Variants in PCDH7 observed in about 807,000 individuals in gnomAD.
The protein encoded by PCDH7 is protocadherin 7.
A neutral mutation model predicts 58.9 loss-of-function variants in PCDH7; 17 were observed. The ratio of observed to expected loss-of-function variants is 0.29; its 90% confidence interval spans 0.20 to 0.43. The LOEUF (loss-of-function observed/expected upper bound fraction) is 0.43, where lower values mean the gene tolerates loss of function less well. Among genes scored for constraint, PCDH7 ranks in the 20% least tolerant of loss-of-function variants. PCDH7 has a pLI of 1.00. For synonymous variants in PCDH7, 664 were observed against 616.4 expected (o/e 1.08, Z -1.14); for missense variants, 1,274 against 1,441.0 (o/e 0.88, Z 1.88).
chr4:30,922,096 A>G (rs1317790668), intron 2 of PCDH7, among the ~76,000 whole-genome samples: 1 of 151,688 alleles, frequency 6.6e-6, no homozygotes, highest in Admixed American at 6.6e-5. Flanking sequence ...ATAGTGTATT[A>G]CGTTACATAT....
At chr4:31,052,929 C>T (rs557951865) in intron 3 of PCDH7, among the ~76,000 whole-genome samples, 46 of 152,136 alleles carry the variant, frequency 3.0e-4, no homozygotes, top group African/African-American at 1.1e-3. Context: ...TTCTCTTCAA[C>T]TTTTCTTTAC....
intron 3 of PCDH7, among the ~76,000 whole-genome samples, chr4:31,123,590 G>C (rs1396056817): frequency 1.3e-5 from 2 of 152,180 alleles, no homozygotes; most frequent in African/African-American, 4.8e-5. Context: ...GAGCCCCAGA[G>C]GGTGTGTGTT....
In PCDH7 at chr4:30,740,368, C is replaced by T. The variant is rs143442578; in HGVS notation, c.70+15772C>T. Among the ~76,000 whole-genome samples the T allele has an allele frequency of 2.5e-3, 380 of 152,226 alleles. 2 individuals are homozygous for T. Among genetic ancestry groups the T allele is most frequent in the African/African-American group, 8.7e-3 (363 of 41,544 alleles). On this transcript the variant is annotated intron_variant, in intron 1 of 3. Coordinates refer to the PCDH7 transcript ENST00000509759. ...AAAATAGTTTCACCTTAAATCTTAC[C>T]TTATGCAAAACAAAAGATGGGAAGA...
At chr4:31,140,427 C>A (rs1469327250) in intron 3 of PCDH7, among the ~76,000 whole-genome samples, 5 of 151,000 alleles carry the variant, frequency 3.3e-5, no homozygotes, top group African/African-American at 1.2e-4. Flanking sequence ...ATTTTAGAAG[C>A]TAAATTCCTG....
At chr4:30,996,688 A>G (rs1751928042) in intron 3 of PCDH7, among the ~76,000 whole-genome samples, 1 of 152,202 alleles carries the variant, frequency 6.6e-6, no homozygotes, top group South Asian at 2.1e-4. Flanking sequence ...TTTTTATAGT[A>G]TAGTTGATTA....
chr4:30,743,574 T>G (rs1577623000), intron 1 of PCDH7, among the ~76,000 whole-genome samples: 2 of 152,038 alleles, frequency 1.3e-5, no homozygotes, highest in Admixed American at 1.3e-4. Context: ...GGAAGTTGTA[T>G]CTTTCTGTAC....
chr4:30,888,819 C>T (rs1738198874), intron 1 of PCDH7, among the ~76,000 whole-genome samples: 1 of 152,084 alleles, frequency 6.6e-6, no homozygotes, highest in Admixed American at 6.6e-5. Context: ...TGAGTACTTA[C>T]ACTATTTTAT....
chr4:31,146,782 A>G (rs1005911131), downstream of PCDH7: 2 of 152,196 alleles, frequency 1.3e-5, no homozygotes, highest in African/African-American at 2.4e-5. Flanking sequence ...AAATTAAAAT[A>G]TAACATGGTC....
intron 3 of PCDH7, among the ~76,000 whole-genome samples, chr4:31,097,189 G>A (rs1353104123): frequency 1.3e-5 from 2 of 152,030 alleles, no homozygotes; most frequent in Admixed American, 6.6e-5. Context: ...GGGCGCGGTG[G>A]CTCACACCTG....
chr4:31,069,409 G>A (rs944873471), intron 3 of PCDH7, among the ~76,000 whole-genome samples: 2 of 151,660 alleles, frequency 1.3e-5, no homozygotes, highest in Admixed American at 6.6e-5. Flanking sequence ...TTCTTCTCAC[G>A]GAATTTGGGG....
chr4:30,939,724 T>A (rs1190130863), intron 2 of PCDH7, among the ~76,000 whole-genome samples: 2 of 152,102 alleles, frequency 1.3e-5, no homozygotes, highest in African/African-American at 4.8e-5. Flanking sequence ...TAATGCCTAG[T>A]AAAATTGAAT....
chr4:30,973,831 T>C (rs774686713), intron 3 of PCDH7, among the ~76,000 whole-genome samples: 1 of 152,050 alleles, frequency 6.6e-6, no homozygotes, highest in Non-Finnish European at 1.5e-5. Context: ...CCAAATGGAT[T>C]GAGTTACTTT....
chr4:31,012,905 G>A (rs957167867), intron 3 of PCDH7, among the ~76,000 whole-genome samples: 1 of 150,466 alleles, frequency 6.6e-6, no homozygotes, highest in African/African-American at 2.4e-5. Context: ...AGATACTCTA[G>A]AGACTGAGGC....
At chr4:31,050,268 C>A (rs1756627802) in intron 3 of PCDH7, among the ~76,000 whole-genome samples, 2 of 152,010 alleles carry the variant, frequency 1.3e-5, no homozygotes, top group Non-Finnish European at 2.9e-5. Context: ...ATAAAAATAT[C>A]CTGATTTTGG....
intron 1 of PCDH7, among the ~76,000 whole-genome samples, chr4:30,852,829 G>GAAAAAAAA (rs58210433): frequency 2.7e-5 from 2 of 74,602 alleles, no homozygotes; most frequent in African/African-American, 4.8e-5. Flanking sequence ...TCAAGCACAG[G>GAAAAAAAA]AAAAAAAAAA....
chr4:30,883,042 T>G (rs1345036933), intron 1 of PCDH7, among the ~76,000 whole-genome samples: 2 of 152,220 alleles, frequency 1.3e-5, no homozygotes, highest in Non-Finnish European at 2.9e-5. Flanking sequence ...GCCATATCTT[T>G]TGTTGGCATT....
At chr4:30,914,202 A>G (rs1416142007) in intron 1 of PCDH7, among the ~76,000 whole-genome samples, 1 of 152,222 alleles carries the variant, frequency 6.6e-6, no homozygotes, top group East Asian at 1.9e-4. Flanking sequence ...ATGGTAGTTT[A>G]AAAAAGTGTC....
At chr4:30,729,281 G>C (rs1715124722) in intron 1 of PCDH7, among the ~76,000 whole-genome samples, 1 of 151,900 alleles carries the variant, frequency 6.6e-6, no homozygotes, top group Admixed American at 6.6e-5. Flanking sequence ...AATTGCAGTA[G>C]AAATCTGTTG....
At chr4:30,769,630 A>G (rs957391655) in intron 1 of PCDH7, among the ~76,000 whole-genome samples, 1 of 152,142 alleles carries the variant, frequency 6.6e-6, no homozygotes, top group Non-Finnish European at 1.5e-5. Flanking sequence ...TGTCTATACT[A>G]TTTTGAGGAT....
Sources: gnomAD v4.1 joint callset for allele counts (sites outside exome capture counted in the v4.1 genomes callset) on GRCh38, gnomAD v4.1.1 for gene constraint, MANE v1.5 for transcripts, NCBI Gene and HGNC (gene_info 2026-07-23, HGNC 2026-07-21) for gene names.